The following CRCP variants were observed in gnomAD, a reference collection of about 807,000 sequenced individuals.
CRCP encodes the protein CGRP receptor component.
Under a neutral mutation model 18.5 loss-of-function variants are expected in CRCP, and 18 were observed. That is an observed-to-expected ratio of 0.97 (90% confidence interval 0.67 to 1.44). CRCP has a LOEUF of 1.44. CRCP is among the 40% of genes most tolerant of loss of function. The pLI, the probability that CRCP is intolerant of heterozygous loss-of-function variation, is 0.00. For synonymous variants in CRCP, 53 were observed against 62.9 expected, an observed-to-expected ratio of 0.84 and a Z score of 0.75; for missense variants, 130 against 176.4, an observed-to-expected ratio of 0.74 and a Z score of 1.49.
chr7:66,145,901 G>A (rs1265164865), intron 5 of CRCP, among the ~76,000 whole-genome samples: 1 of 152,154 alleles, frequency 6.6e-6, no homozygotes, highest in Non-Finnish European at 1.5e-5. Flanking sequence ...CTGGGTGAGG[G>A]GAGCATGTGT....
At chr7:66,115,835 G>T (rs1787243928) in intron 1 of CRCP, among the ~76,000 whole-genome samples, 1 of 152,126 alleles carries the variant, frequency 6.6e-6, no homozygotes, top group Non-Finnish European at 1.5e-5. Flanking sequence ...TAAGAAACAG[G>T]GTCTTGCTCT....
chr7:66,130,097 C>CTTTTTTTTTTT (rs35682014), intron 2 of CRCP: 2 of 100,572 alleles, frequency 2.0e-5, no homozygotes, highest in African/African-American at 8.0e-5. Context: ...AAGCAGGATT[C>CTTTTTTTTTTT]TTTTTTTTTT....
chr7:66,130,938 T>C lies in CRCP; in HGVS notation c.144+96T>C, dbSNP rs1458303022. On this transcript the variant is annotated intron_variant, in intron 3 of 5. Coordinates refer to ENST00000395326, the MANE Select transcript of CRCP (RefSeq NM_014478.5). ...GGCAGCTGAAATTAAGATTGCTTTT[T>C]ATATGATCTGAATGTTTTATTCTAA... 4.0e-6 allele frequency: 3 copies of C among 746,994 alleles called. No homozygotes were observed. The African/African-American group carries it at 5.3e-5, about 13-fold the overall frequency. 46.3% of individuals were successfully genotyped at this position (746,994 alleles called of 1,614,324 possible).
chr7:66,143,170 T>C (rs1788190013), intron 4 of CRCP, among the ~76,000 whole-genome samples: 1 of 152,228 alleles, frequency 6.6e-6, no homozygotes, highest in African/African-American at 2.4e-5. Flanking sequence ...GTTTAGACGC[T>C]TACTGGCATG....
chr7:66,119,271 G>A (rs1787362536), intron 1 of CRCP, among the ~76,000 whole-genome samples: 1 of 152,206 alleles, frequency 6.6e-6, no homozygotes, highest in African/African-American at 2.4e-5. Flanking sequence ...TTTCTGGAGG[G>A]TGGTATGCCT....
At chr7:66,123,523 C>T (rs1787514345) in intron 1 of CRCP, among the ~76,000 whole-genome samples, 1 of 151,960 alleles carries the variant, frequency 6.6e-6, no homozygotes, top group African/African-American at 2.4e-5. Context: ...GCAAAGCGGT[C>T]AGATCACCTG....
In CRCP at chr7:66,152,607, G is replaced by C; in HGVS notation, c.*250G>C. ...GGGGACAGTGACCGCGGACCCCTCT[G>C]TGCTTGAAAGATTTCCTCCACGGCC... On this transcript the variant is annotated 3_prime_UTR_variant, in exon 6 of 6. Coordinates refer to ENST00000395326, the MANE Select transcript of CRCP (RefSeq NM_014478.5). 2.1e-6 allele frequency: 1 copy of C among 478,762 alleles called. No individual in the cohort carries two copies. Among genetic ancestry groups the C allele is most frequent in the South Asian group, 2.2e-5 (1 of 44,566 alleles). The allele number at this position is 478,762 out of a possible 1,614,324, so 29.7% of individuals were successfully genotyped here.
rs755235518 is a variant in CRCP, at chr7:66,125,800, G to A, written c.9-1904G>A. Among the ~76,000 whole-genome samples, 11 of 149,064 alleles carry A rather than the reference G, an allele frequency of 7.4e-5. 1 individual carries two copies. The highest frequency in any genetic ancestry group is 1.5e-4 in the Non-Finnish European group (10 of 66,712). Reference sequence around the variant, plus strand: ...CAGTGCACCTGCGATGGATCCATTGGCCCTGAAGAGAAAAAACATTCATAT... The same window carrying A: ...CAGTGCACCTGCGATGGATCCATTGACCCTGAAGAGAAAAAACATTCATAT... On this transcript the variant is annotated intron_variant, in intron 1 of 5. Coordinates refer to ENST00000395326, the MANE Select transcript of CRCP (RefSeq NM_014478.5).
At chr7:66,124,696 T>C (rs942397356) in intron 1 of CRCP, among the ~76,000 whole-genome samples, 1 of 152,124 alleles carries the variant, frequency 6.6e-6, no homozygotes, top group Non-Finnish European at 1.5e-5. Flanking sequence ...TTATTTCTTT[T>C]GCACAGGCAT....
chr7:66,140,351 G>T (rs1788097077), intron 4 of CRCP, among the ~76,000 whole-genome samples: 1 of 78,072 alleles, frequency 1.3e-5, no homozygotes. Flanking sequence ...TCAGAGTCGG[G>T]TATTTTTTTT....
chr7:66,117,911 C>T (rs1425644807), intron 1 of CRCP, among the ~76,000 whole-genome samples: 1 of 152,186 alleles, frequency 6.6e-6, no homozygotes, highest in Non-Finnish European at 1.5e-5. Flanking sequence ...AGGACCATTG[C>T]GTTGTGGTAC....
chr7:66,118,672 C>T (rs900830886), intron 1 of CRCP, among the ~76,000 whole-genome samples: 1 of 152,292 alleles, frequency 6.6e-6, no homozygotes, highest in South Asian at 2.1e-4. Flanking sequence ...TGCACATTCT[C>T]CCATATACTT....
rs939428601 is a variant in CRCP at position 66,122,374 on chromosome 7, C to CAAAAA, written c.9-5313_9-5309dup. 3.1e-3 allele frequency among the ~76,000 whole-genome samples: 182 copies of CAAAAA among 57,834 alleles called. 2 individuals are homozygous for CAAAAA. Among genetic ancestry groups the CAAAAA allele is most frequent in the Middle Eastern group, 7.9e-3 (1 of 126 alleles). The allele number at this position is 57,834 out of a possible 152,430, so 37.9% of individuals were successfully genotyped here. On this transcript the variant is annotated intron_variant, in intron 1 of 5. Coordinates refer to ENST00000395326, the MANE Select transcript of CRCP (RefSeq NM_014478.5). ...TGGGCGACAGAGCAAGACTCCGTCTCAAAAAAAAAAAAAAAAAAAAAGGCA... is the reference window on the plus strand; with the variant it reads ...TGGGCGACAGAGCAAGACTCCGTCTCAAAAAAAAAAAAAAAAAAAAAAAAAAGGCA...
chr7:66,133,315 C>T (rs1038939316), intron 3 of CRCP, among the ~76,000 whole-genome samples: 1 of 152,046 alleles, frequency 6.6e-6, no homozygotes, highest in Non-Finnish European at 1.5e-5. Flanking sequence ...ACCATCCTGG[C>T]TAACACGGTG....
chr7:66,132,639 G>T (rs1004445656), intron 3 of CRCP, among the ~76,000 whole-genome samples: 3 of 152,118 alleles, frequency 2.0e-5, no homozygotes, highest in Non-Finnish European at 4.4e-5. Context: ...GATTTGGCTG[G>T]GCGTGGTGGC....
Position 66,152,502 on chromosome 7 carries a change from T to G in CRCP, c.*145T>G. ...TAGTTGGGTACATCACAAAAATAAGTTAAAAAGAAATATTTGTGCCTTGGG... is the reference window on the plus strand; with the variant it reads ...TAGTTGGGTACATCACAAAAATAAGGTAAAAAGAAATATTTGTGCCTTGGG... On this transcript the variant is annotated 3_prime_UTR_variant, in exon 6 of 6. Coordinates refer to ENST00000395326, the MANE Select transcript of CRCP (RefSeq NM_014478.5). 1 of 848,078 alleles carries G rather than the reference T, an allele frequency of 1.2e-6. No individual in the cohort carries two copies. The highest frequency in any genetic ancestry group is 1.8e-6 in the Non-Finnish European group (1 of 562,770). The allele number at this position is 848,078 out of a possible 1,614,324, so 52.5% of individuals were successfully genotyped here.
intron 2 of CRCP, among the ~76,000 whole-genome samples, chr7:66,128,495 T>C (rs1787685242): frequency 6.6e-6 from 1 of 152,186 alleles, no homozygotes; most frequent in Non-Finnish European, 1.5e-5. Flanking sequence ...CATCCTTATT[T>C]TGAAAGTGAG....
rs1788529233 is a variant in CRCP at position 66,153,410 on chromosome 7, G to A, written c.*1053G>A. On this transcript the variant is annotated 3_prime_UTR_variant, in exon 6 of 6. Transcript: ENST00000395326. The stretch of plus-strand genomic sequence containing the variant: ...GCCAAGATTGCACCATTGCACTCCA[G>A]CCTGGGCAACAAGAGCAAAACTTCA... The A allele has an allele frequency of 6.6e-6, 1 of 152,162 alleles. No individual in the cohort carries two copies. Among genetic ancestry groups the A allele is most frequent in the South Asian group, 2.1e-4 (1 of 4,826 alleles). 9.4% of individuals were successfully genotyped at this position (152,162 alleles called of 1,614,324 possible).
At chr7:66,121,034 C>CATAATAATAATA (rs10607378) in intron 1 of CRCP, among the ~76,000 whole-genome samples, 72 of 145,394 alleles carry the variant, frequency 5.0e-4, no homozygotes, top group African/African-American at 1.6e-3. Flanking sequence ...GTAACTAATA[C>CATAATAATAATA]ATAATAATAA....
Sources: allele counts gnomAD v4.1 joint callset (sites outside exome capture counted in the v4.1 genomes callset), GRCh38; gene constraint gnomAD v4.1.1; transcripts MANE v1.5; gene names NCBI Gene and HGNC (gene_info 2026-07-23, HGNC 2026-07-21).